The following GRM5 variants were observed in gnomAD, a reference collection of about 807,000 sequenced individuals.
The protein encoded by GRM5 is glutamate metabotropic receptor 5, also known as metabotropic glutamate receptor 5.
In GRM5, 19 loss-of-function variants were observed where a neutral mutation model predicts 83.1. The ratio of observed to expected loss-of-function variants is 0.23; its 90% confidence interval spans 0.16 to 0.34. The LOEUF (loss-of-function observed/expected upper bound fraction) is 0.34. Among genes scored for constraint, GRM5 ranks in the 10% least tolerant of loss-of-function variants. GRM5 has a pLI of 1.00. For missense variants in GRM5, 1,160 were observed against 1,588.3 expected, an observed-to-expected ratio of 0.73 and a Z score of 4.58; for synonymous variants, 675 against 633.6, an observed-to-expected ratio of 1.07 and a Z score of -0.98.
At chr11:88,539,072 C>A (rs1297276730) in intron 8 of GRM5, among the ~76,000 whole-genome samples, 3 of 152,112 alleles carry the variant, frequency 2.0e-5, no homozygotes, top group African/African-American at 7.2e-5. Flanking sequence ...AAGACTGATT[C>A]CTCTGTGATA....
intron 2 of GRM5, among the ~76,000 whole-genome samples, chr11:89,042,245 A>G (rs1941552653): frequency 6.6e-6 from 1 of 152,132 alleles, no homozygotes; most frequent in African/African-American, 2.4e-5. Context: ...AATTGTTTAG[A>G]AATATTGGTG....
chr11:88,693,602 G>A (rs902812650), intron 3 of GRM5, among the ~76,000 whole-genome samples: 2 of 152,164 alleles, frequency 1.3e-5, no homozygotes, highest in African/African-American at 2.4e-5. Flanking sequence ...CTTACCCACC[G>A]ATCACGGTAC....
intron 4 of GRM5, among the ~76,000 whole-genome samples, chr11:88,620,268 A>G (rs1938597782): frequency 6.6e-6 from 1 of 152,238 alleles, no homozygotes. Context: ...ACCATGGCTT[A>G]GACTAGGCAA....
chr11:88,563,321 C>T (rs537219078), intron 8 of GRM5, among the ~76,000 whole-genome samples: 7 of 152,274 alleles, frequency 4.6e-5, no homozygotes, highest in African/African-American at 1.2e-4. Context: ...GCTGCCTTTG[C>T]ATTTTCCATC....
chr11:88,877,631 G>A (rs1287324783), intron 2 of GRM5, among the ~76,000 whole-genome samples: 1 of 151,786 alleles, frequency 6.6e-6, no homozygotes, highest in Non-Finnish European at 1.5e-5. Context: ...GACCAGCCTG[G>A]GCAACATGGC....
chr11:88,757,135 T>A (rs1942410475), intron 3 of GRM5, among the ~76,000 whole-genome samples: 1 of 152,086 alleles, frequency 6.6e-6, no homozygotes, highest in Non-Finnish European at 1.5e-5. Flanking sequence ...GGGGAAAATA[T>A]ACATTCAAAG....
intron 3 of GRM5, among the ~76,000 whole-genome samples, chr11:88,824,086 TA>T: frequency 6.6e-6 from 1 of 152,348 alleles, no homozygotes; most frequent in South Asian, 2.1e-4. Flanking sequence ...TTGTCCATTT[TA>T]AAATTTGTGT....
At chr11:88,694,679 T>C (rs1273364343) in intron 3 of GRM5, among the ~76,000 whole-genome samples, 1 of 152,132 alleles carries the variant, frequency 6.6e-6, no homozygotes, top group East Asian at 1.9e-4. Context: ...ATCATAAAAC[T>C]ATCATGACCA....
intron 3 of GRM5, among the ~76,000 whole-genome samples, chr11:88,813,802 A>C (rs1254102054): frequency 6.6e-6 from 1 of 152,176 alleles, no homozygotes; most frequent in Non-Finnish European, 1.5e-5. Context: ...GGAGAATTTC[A>C]GGCTTGGGTA....
chr11:89,048,246 C>T (rs1008136942), intron 1 of GRM5, among the ~76,000 whole-genome samples, 174 bp from the exon 2 acceptor site: 1 of 152,302 alleles, frequency 6.6e-6, no homozygotes, highest in East Asian at 1.9e-4. Context: ...TTTGATGAAG[C>T]AGCTGATGTA....
intron 2 of GRM5, among the ~76,000 whole-genome samples, chr11:88,865,605 G>T (rs913783113): frequency 1.3e-5 from 2 of 151,854 alleles, no homozygotes; most frequent in Non-Finnish European, 2.9e-5. Flanking sequence ...AAAGAAATTA[G>T]CATCAGAGTG....
chr11:88,526,268 A>G (rs946425933), intron 8 of GRM5, among the ~76,000 whole-genome samples: 3 of 152,262 alleles, frequency 2.0e-5, no homozygotes, highest in African/African-American at 7.2e-5. Context: ...TGGTGCATCA[A>G]GATGAGTTCT....
At chr11:88,983,486 T>C (rs934669647) in intron 2 of GRM5, among the ~76,000 whole-genome samples, 1 of 152,194 alleles carries the variant, frequency 6.6e-6, no homozygotes, top group Non-Finnish European at 1.5e-5. Flanking sequence ...GTTATTATAA[T>C]GTCATAGTGC....
At chr11:88,971,036 G>T (rs1158537145) in intron 2 of GRM5, among the ~76,000 whole-genome samples, 1 of 151,644 alleles carries the variant, frequency 6.6e-6, no homozygotes, top group Non-Finnish European at 1.5e-5. Context: ...TGAGGAGTTT[G>T]TTAACAACGG....
At chr11:88,655,515 A>T (rs2135309597) in intron 3 of GRM5, among the ~76,000 whole-genome samples, 1 of 152,272 alleles carries the variant, frequency 6.6e-6, no homozygotes, top group African/African-American at 2.4e-5. Context: ...TAAGATTATA[A>T]TGGCTCCAAT....
intron 2 of GRM5, among the ~76,000 whole-genome samples, chr11:89,005,186 A>G (rs1263887009): frequency 1.3e-5 from 2 of 152,206 alleles, no homozygotes; most frequent in African/African-American, 2.4e-5. Context: ...ATATTTTACT[A>G]AATTTTATGT....
In GRM5 at chr11:88,734,008, G is replaced by A. The variant is rs568455487; in HGVS notation, c.912-80605C>T. 7.0e-4 allele frequency among the ~76,000 whole-genome samples: 107 copies of A among 152,050 alleles called. No individual in the cohort carries two copies. In the South Asian group the frequency reaches 0.011, roughly 16 times the overall value. ...TGAACAGTATTTACCAAAGTATGGC[G>A]TAAGGGATGCTGGGAATATACAAGA... On this transcript the variant is annotated intron_variant, in intron 3 of 9. Transcript: ENST00000305447.
intron 2 of GRM5, among the ~76,000 whole-genome samples, chr11:89,044,002 C>G (rs1941587945): frequency 6.6e-6 from 1 of 152,134 alleles, no homozygotes; most frequent in African/African-American, 2.4e-5. Flanking sequence ...AAGTCAAAAG[C>G]AAATGATGTG....
At chr11:88,845,036 A>G (rs1465686978) in intron 3 of GRM5, among the ~76,000 whole-genome samples, 1 of 152,236 alleles carries the variant, frequency 6.6e-6, no homozygotes, top group Non-Finnish European at 1.5e-5. Flanking sequence ...TAGATAAAGC[A>G]GTGATAGAAT....
Sources: allele counts gnomAD v4.1 joint callset (sites outside exome capture counted in the v4.1 genomes callset), GRCh38; gene constraint gnomAD v4.1.1; transcripts MANE v1.5; gene names NCBI Gene and HGNC (gene_info 2026-07-23, HGNC 2026-07-21).